The following DCLK1 variants were observed in gnomAD, a reference collection of about 807,000 sequenced individuals.
DCLK1 encodes serine/threonine-protein kinase DCLK1.
Under a neutral mutation model 86.2 loss-of-function variants are expected in DCLK1, and 16 were observed. The observed-to-expected ratio is 0.19, with a 90% CI of 0.13 to 0.28. The LOEUF is 0.28. Ranked by LOEUF, DCLK1 falls within the 10% of genes least tolerant of loss-of-function variation. The pLI is 1.00. For missense variants in DCLK1, 590 were observed against 940.2 expected (o/e 0.63, Z 4.87); for synonymous variants, 369 against 370.5 (o/e 1.00, Z 0.05).
intron 3 of DCLK1, among the ~76,000 whole-genome samples, chr13:36,048,071 G>T (rs1187738524): frequency 2.0e-5 from 3 of 152,158 alleles, no homozygotes; most frequent in Admixed American, 1.3e-4. Context: ...ATTTTAATTT[G>T]CCAGATTTAG....
chr13:35,860,576 G>A (rs1464073145), intron 5 of DCLK1, among the ~76,000 whole-genome samples: 2 of 152,152 alleles, frequency 1.3e-5, no homozygotes, highest in African/African-American at 2.4e-5. Flanking sequence ...ACACAGCTCT[G>A]TGAATTAATT....
At chr13:35,872,636 G>A (rs994609037) in intron 4 of DCLK1, among the ~76,000 whole-genome samples, 2 of 151,908 alleles carry the variant, frequency 1.3e-5, no homozygotes, top group African/African-American at 4.8e-5. Flanking sequence ...GCACACTGTG[G>A]GTGCTCAAAA....
At chr13:35,860,153 G>A (rs1261269180) in intron 5 of DCLK1, among the ~76,000 whole-genome samples, 2 of 152,178 alleles carry the variant, frequency 1.3e-5, no homozygotes, top group Non-Finnish European at 2.9e-5. Flanking sequence ...GTGTCCTTGG[G>A]TTTGGGGGTG....
At chr13:35,942,485 A>G (rs971391146) in intron 4 of DCLK1, among the ~76,000 whole-genome samples, 1 of 152,176 alleles carries the variant, frequency 6.6e-6, no homozygotes, top group Admixed American at 6.5e-5. Flanking sequence ...GCCTGGCCTC[A>G]AAAGGACACT....
rs148503454 is a variant in DCLK1, at chr13:35,803,039, C to T, written c.1944+2660G>A. 4.5e-3 allele frequency among the ~76,000 whole-genome samples: 682 copies of T among 152,292 alleles called. 6 individuals are homozygous for T. The highest frequency in any genetic ancestry group is 0.016 in the African/African-American group (650 of 41,556). On this transcript the variant is annotated intron_variant, in intron 15 of 16. Transcript: ENST00000360631. ...TGTCCATATTGTACCTGCCTGTTTA[C>T]AACATTACCATGTTTTCATGTGTAA...
chr13:36,046,186 A>T (rs1882908059), intron 3 of DCLK1, among the ~76,000 whole-genome samples: 1 of 152,234 alleles, frequency 6.6e-6, no homozygotes, highest in African/African-American at 2.4e-5. Context: ...AGCTTGCAGA[A>T]GCAAACATAC....
At chr13:36,024,967 TC>T (rs1409916951) in intron 3 of DCLK1, among the ~76,000 whole-genome samples, 2 of 150,762 alleles carry the variant, frequency 1.3e-5, no homozygotes, top group Non-Finnish European at 2.9e-5. Context: ...TTCTTTTCTT[TC>T]TTTTTTTTTT....
At chr13:35,927,977 C>T (rs1307114358) in intron 4 of DCLK1, among the ~76,000 whole-genome samples, 1 of 152,224 alleles carries the variant, frequency 6.6e-6, no homozygotes, top group East Asian at 1.9e-4. Flanking sequence ...GACCTGCAAG[C>T]TCCACTTATG....
At chr13:36,097,982 T>C (rs552160299) in intron 3 of DCLK1, among the ~76,000 whole-genome samples, 2 of 152,330 alleles carry the variant, frequency 1.3e-5, no homozygotes, top group East Asian at 1.9e-4. Flanking sequence ...GGCCAGTTAC[T>C]TTCCCCCTGA....
chr13:35,888,821 G>C (rs143010742), intron 4 of DCLK1, among the ~76,000 whole-genome samples: 1 of 152,178 alleles, frequency 6.6e-6, no homozygotes, highest in Non-Finnish European at 1.5e-5. Context: ...ATAACTTGCT[G>C]TTGGTGGCTA....
intron 3 of DCLK1, among the ~76,000 whole-genome samples, chr13:35,999,036 C>CCA (rs1224615977): frequency 1.3e-5 from 2 of 152,282 alleles, no homozygotes; most frequent in African/African-American, 4.8e-5. Context: ...AGGCAGATCA[C>CCA]CTGAAGTCAG....
At chr13:35,835,339 A>C (rs1869282203) in intron 8 of DCLK1, among the ~76,000 whole-genome samples, 1 of 152,162 alleles carries the variant, frequency 6.6e-6, no homozygotes, top group African/African-American at 2.4e-5. Flanking sequence ...CCTGAGGAGA[A>C]GCTGCTGGCT....
intron 3 of DCLK1, among the ~76,000 whole-genome samples, chr13:35,983,552 A>G (rs1217826725): frequency 2.0e-5 from 3 of 152,214 alleles, no homozygotes; most frequent in Non-Finnish European, 2.9e-5. Context: ...TGATAGCACC[A>G]CAGGGTGACT....
chr13:35,827,805 G>T, intron 9 of DCLK1, 51 bp from the exon 10 acceptor site: 1 of 1,604,854 alleles, frequency 6.2e-7, no homozygotes, highest in Non-Finnish European at 8.5e-7. Context: ...CATGTGGAGG[G>T]CTAACTCAAA....
intron 16 of DCLK1, chr13:35,787,985 A>G (rs2086651423): frequency 3.7e-6 from 2 of 537,462 alleles, no homozygotes; most frequent in Admixed American, 6.4e-5. Flanking sequence ...ATTGATACTG[A>G]GCATGTGCAA....
Position 35,822,777 on chromosome 13 carries a change from C to G in DCLK1, c.1506G>C (p.Leu502=), listed in dbSNP as rs139958301. 6.2e-7 allele frequency: 1 copy of G among 1,613,868 alleles called. No individual in the cohort carries two copies. Among genetic ancestry groups the G allele is most frequent in the East Asian group, 2.2e-5 (1 of 44,842 alleles). Residue 502 remains leucine (L), a synonymous_variant, in exon 11 of 17, where the codon CTG becomes CTC. Transcript: ENST00000360631. ...CACGGTGGACGATGTTCAGGCTATG[C>G]AGGTATTTGATGGCGCTGGCTAGGT... is the stretch of plus-strand genomic sequence containing the variant. ...LYNLASAIKY[L]HSLNIVHRDI... is the part of the protein sequence containing the mutation.
intron 3 of DCLK1, among the ~76,000 whole-genome samples, chr13:36,095,155 CTCTA>C (rs201553390): frequency 3.7e-4 from 44 of 118,804 alleles, no homozygotes; most frequent in Middle Eastern, 4.4e-3. Context: ...TCTGATATCT[CTCTA>C]TCTCTCTCTC....
chr13:35,951,819 G>A (rs904664218), intron 3 of DCLK1, among the ~76,000 whole-genome samples: 4 of 152,076 alleles, frequency 2.6e-5, no homozygotes, highest in South Asian at 2.1e-4. Flanking sequence ...ACTGACTTGC[G>A]CAAATCAGGA....
At position 36,109,573 on chromosome 13, in the gene DCLK1, C is replaced by T. The variant is rs561123351; in HGVS notation, c.723+2296G>A. 2.8e-4 allele frequency among the ~76,000 whole-genome samples: 42 copies of T among 152,302 alleles called. 1 individual carries two copies. The South Asian group carries it at 6.2e-3, about 23-fold the overall frequency. On this transcript the variant is annotated intron_variant, in intron 3 of 16. Transcript: ENST00000360631. The stretch of plus-strand genomic sequence containing the variant: ...GCTAATACATGCAAAGCACTTTGAA[C>T]AATGCTCAATAAAGCTATCATCATT...
Sources: allele counts gnomAD v4.1 joint callset (sites outside exome capture counted in the v4.1 genomes callset), GRCh38; gene constraint gnomAD v4.1.1; transcripts MANE v1.5; gene names NCBI Gene and HGNC (gene_info 2026-07-23, HGNC 2026-07-21).